TTC7B: variants seen among roughly 807,000 people sequenced by gnomAD.
TTC7B encodes the protein tetratricopeptide repeat protein 7B.
A neutral mutation model predicts 106.8 loss-of-function variants in TTC7B; 28 were observed. That is an observed-to-expected ratio of 0.26 (90% confidence interval 0.19 to 0.36). The LOEUF is 0.36. TTC7B is among the 10% of genes least tolerant of loss of function. The pLI is 1.00. For synonymous variants in TTC7B, 405 were observed against 430.6 expected (o/e 0.94, Z 0.74); for missense variants, 862 against 1,076.4 (o/e 0.80, Z 2.79).
intron 18 of TTC7B, among the ~76,000 whole-genome samples, chr14:90,579,553 T>A (rs1461930407): frequency 1.3e-5 from 2 of 152,254 alleles, no homozygotes; most frequent in African/African-American, 4.8e-5. Flanking sequence ...ATCCTAGTAC[T>A]TTGGGAGGCC....
intron 19 of TTC7B, among the ~76,000 whole-genome samples, chr14:90,555,634 G>A (rs951134547): frequency 7.9e-5 from 12 of 152,224 alleles, no homozygotes; most frequent in Admixed American, 7.9e-4. Flanking sequence ...GCCTAACCCA[G>A]AGTCCTTTTC....
rs1892386468 is a variant in TTC7B, at chr14:90,600,645, G to A, written c.1967-7019C>T. Reference sequence around the variant, plus strand: ...AAGCTCTTTCCAGGGAAGGACCCCAGTAAGGCAGGGAGGGCCGGGGACATG... The same window carrying A: ...AAGCTCTTTCCAGGGAAGGACCCCAATAAGGCAGGGAGGGCCGGGGACATG... On this transcript the variant is annotated intron_variant, in intron 17 of 19. Coordinates refer to ENST00000328459, the MANE Select transcript of TTC7B (RefSeq NM_001010854.2). The surrounding 1 kb of genome is among the most constrained non-coding windows in gnomAD (Gnocchi z 4.3). 6.6e-6 allele frequency among the ~76,000 whole-genome samples: 1 copy of A among 152,244 alleles called. No individual in the cohort carries two copies. Among genetic ancestry groups the A allele is most frequent in the Admixed American group, 6.5e-5 (1 of 15,290 alleles).
intron 15 of TTC7B, among the ~76,000 whole-genome samples, chr14:90,628,120 G>A (rs780763800): frequency 4.6e-5 from 7 of 152,186 alleles, no homozygotes; most frequent in African/African-American, 7.2e-5. Flanking sequence ...CCCAAAACCC[G>A]CCCCCAGATT....
intron 19 of TTC7B, among the ~76,000 whole-genome samples, chr14:90,558,727 A>T (rs1261767379): frequency 2.0e-5 from 3 of 152,196 alleles, no homozygotes; most frequent in African/African-American, 7.2e-5. Context: ...CTCTGTTCAC[A>T]CTGCAGGGCG....
chr14:90,610,247 C>T (rs1218220460), intron 17 of TTC7B, among the ~76,000 whole-genome samples: 2 of 152,250 alleles, frequency 1.3e-5, no homozygotes, highest in Non-Finnish European at 2.9e-5. Context: ...GGAACACACA[C>T]ACGACGAGGT....
At chr14:90,778,666 G>A (rs1891112277) in intron 3 of TTC7B, among the ~76,000 whole-genome samples, 1 of 152,202 alleles carries the variant, frequency 6.6e-6, no homozygotes, top group Non-Finnish European at 1.5e-5. Flanking sequence ...GCGTGGCTGT[G>A]TGGCACAGAC....
intron 1 of TTC7B, among the ~76,000 whole-genome samples, chr14:90,795,259 T>C (rs528312116): frequency 1.3e-5 from 2 of 152,172 alleles, no homozygotes; most frequent in African/African-American, 4.8e-5. Flanking sequence ...ACATTGGGCA[T>C]CAGGCAACAA....
chr14:90,569,224 G>A (rs1191154668), intron 19 of TTC7B, among the ~76,000 whole-genome samples: 1 of 152,228 alleles, frequency 6.6e-6, no homozygotes, highest in East Asian at 1.9e-4. Context: ...GAAAGCAGGG[G>A]AGGCTGCTTT....
At chr14:90,723,982 T>C (rs1217348565) in intron 5 of TTC7B, among the ~76,000 whole-genome samples, 1 of 152,164 alleles carries the variant, frequency 6.6e-6, no homozygotes, top group African/African-American at 2.4e-5. Flanking sequence ...CCCAGATGTC[T>C]ACAGAAACCA....
intron 14 of TTC7B, 121 bp from the exon 15 acceptor site, chr14:90,644,329 G>A (rs1885340233): frequency 9.5e-7 from 1 of 1,047,738 alleles, no homozygotes; most frequent in African/African-American, 1.6e-5. Context: ...CAAATATTGA[G>A]TTGTTTCACA....
intron 3 of TTC7B, among the ~76,000 whole-genome samples, chr14:90,772,281 C>A (rs1204956216): frequency 1.3e-5 from 2 of 152,012 alleles, no homozygotes; most frequent in Non-Finnish European, 2.9e-5. Context: ...ACCAGGCTGA[C>A]AGGGTACTCA....
At chr14:90,593,744 A>C in intron 17 of TTC7B, 118 bp from the exon 18 acceptor site, 1 of 1,069,504 alleles carries the variant, frequency 9.4e-7, no homozygotes, top group Non-Finnish European at 1.3e-6. Context: ...GATGTTTCTA[A>C]GATTTACTGT....
At chr14:90,615,026 T>C (rs1200408719) in intron 16 of TTC7B, among the ~76,000 whole-genome samples, 2 of 152,084 alleles carry the variant, frequency 1.3e-5, no homozygotes, top group Admixed American at 6.5e-5. Flanking sequence ...CCGAGAGAAA[T>C]AGAATCCAGG....
intron 18 of TTC7B, among the ~76,000 whole-genome samples, chr14:90,590,208 A>C (rs184851674): frequency 1.3e-5 from 2 of 152,238 alleles, no homozygotes; most frequent in Admixed American, 1.3e-4. Flanking sequence ...GTGGGCAAGC[A>C]TCCCTCATCT....
intron 15 of TTC7B, among the ~76,000 whole-genome samples, chr14:90,631,940 C>T (rs1040949631): frequency 2.0e-5 from 3 of 152,164 alleles, no homozygotes; most frequent in African/African-American, 4.8e-5. Flanking sequence ...TATGCAACTC[C>T]TTTCCTTTGC....
chr14:90,583,259 A>G (rs1287399573), intron 18 of TTC7B, among the ~76,000 whole-genome samples: 1 of 152,234 alleles, frequency 6.6e-6, no homozygotes, highest in East Asian at 1.9e-4. Flanking sequence ...ACTCCTAGCC[A>G]CAGTCATTTC....
chr14:90,577,634 G>T lies in TTC7B; in HGVS notation c.2310+472C>A, dbSNP rs932258658. Reference sequence around the variant, plus strand: ...GTAGGATGCTCCCTCCCAGCCAATGGCCTCAGAGACATGCTGGAGTCTCAG... The same window carrying T: ...GTAGGATGCTCCCTCCCAGCCAATGTCCTCAGAGACATGCTGGAGTCTCAG... On this transcript the variant is annotated intron_variant, in intron 19 of 19. Transcript: ENST00000328459. The surrounding 1 kb of genome is among the most constrained non-coding windows in gnomAD (Gnocchi z 5.0). Among the ~76,000 whole-genome samples, 2 of 152,182 alleles carry T rather than the reference G, an allele frequency of 1.3e-5. No homozygotes were observed. The highest frequency in any genetic ancestry group is 4.8e-5 in the African/African-American group (2 of 41,436).
chr14:90,627,711 C>A (rs1884510598), intron 15 of TTC7B, among the ~76,000 whole-genome samples: 1 of 152,194 alleles, frequency 6.6e-6, no homozygotes, highest in Non-Finnish European at 1.5e-5. Flanking sequence ...TCATTTCAGT[C>A]AAAGTGTCAA....
Position 90,570,835 on chromosome 14 carries a change from T to C in TTC7B, c.2310+7271A>G, listed in dbSNP as rs1362578052. Among the ~76,000 whole-genome samples the C allele has an allele frequency of 6.6e-6, 1 of 152,124 alleles. No individual in the cohort carries two copies. Among genetic ancestry groups the C allele is most frequent in the Non-Finnish European group, 1.5e-5 (1 of 68,030 alleles). On this transcript the variant is annotated intron_variant, in intron 19 of 19. Coordinates refer to ENST00000328459, the MANE Select transcript of TTC7B (RefSeq NM_001010854.2). This position sits in a 1 kb window ranked among gnomAD's most constrained non-coding sequence, Gnocchi z 4.0. ...ACAGCAACACCACCGGGCACTGTTA[T>C]TACTCCCATTTCACTGTCGAGAAAA...
Sources: allele counts gnomAD v4.1 joint callset (sites outside exome capture counted in the v4.1 genomes callset), GRCh38; gene constraint gnomAD v4.1.1; non-coding constraint Gnocchi (gnomAD v3.1); transcripts MANE v1.5; gene names NCBI Gene and HGNC (gene_info 2026-07-23, HGNC 2026-07-21).